The following SLC7A5 variants were observed in gnomAD, a reference collection of about 807,000 sequenced individuals.
The protein encoded by SLC7A5 is large neutral amino acids transporter small subunit 1.
Under a neutral mutation model 50.2 loss-of-function variants are expected in SLC7A5, and 23 were observed. The ratio of observed to expected loss-of-function variants is 0.46; its 90% CI spans 0.33 to 0.65. SLC7A5 has a LOEUF of 0.65. Among genes scored for constraint, SLC7A5 ranks in the 30% least tolerant of loss-of-function variants. SLC7A5 has a pLI of 0.02. For synonymous variants in SLC7A5, 393 were observed against 330.6 expected, an observed-to-expected ratio of 1.19 and a Z score of -2.05; for missense variants, 578 against 684.4, an observed-to-expected ratio of 0.84 and a Z score of 1.73.
intron 8 of SLC7A5, among the ~76,000 whole-genome samples, chr16:87,835,631 G>A (rs959553025): frequency 2.0e-4 from 31 of 152,228 alleles, no homozygotes; most frequent in African/African-American, 7.2e-4. Context: ...CCGCCACCAC[G>A]CCCAGCTAAT....
intron 2 of SLC7A5, among the ~76,000 whole-genome samples, chr16:87,849,897 G>A (rs1297960942): frequency 6.6e-6 from 1 of 152,206 alleles, no homozygotes; most frequent in African/African-American, 2.4e-5. Flanking sequence ...ACCTTCCAGA[G>A]CCACCTGGGA....
At chr16:87,840,262 AC>A (rs2055066052) in intron 4 of SLC7A5, among the ~76,000 whole-genome samples, 166 bp downstream of exon 4, 1 of 152,224 alleles carries the variant, frequency 6.6e-6, no homozygotes, top group African/African-American at 2.4e-5. Flanking sequence ...TCAAGGACAC[AC>A]GGCCAGAAGC....
intron 1 of SLC7A5, among the ~76,000 whole-genome samples, chr16:87,858,916 G>T (rs890414076): frequency 5.3e-5 from 8 of 152,238 alleles, no homozygotes; most frequent in African/African-American, 1.7e-4. Context: ...CTCTGCAGAT[G>T]CAGTGATGGA....
At chr16:87,851,204 C>T (rs909086016) in intron 2 of SLC7A5, among the ~76,000 whole-genome samples, 1 of 151,620 alleles carries the variant, frequency 6.6e-6, no homozygotes, top group Non-Finnish European at 1.5e-5. Flanking sequence ...ATGCTTACCT[C>T]ATCTTCTTTA....
In SLC7A5 at chr16:87,860,157, A is replaced by AC. The variant is rs1342520949; in HGVS notation, c.539-8309dup. On this transcript the variant is annotated intron_variant, in intron 1 of 9. Coordinates refer to ENST00000261622, the MANE Select transcript of SLC7A5 (RefSeq NM_003486.7). The surrounding 1 kb of genome is among the most constrained non-coding windows in gnomAD (Gnocchi z 4.8). ...AAACCAGCCTGACCAACATGGTGAA[A>AC]CCCCCGTCTCTACTAAAAACACAAA... is the stretch of plus-strand genomic sequence containing the variant. Among the ~76,000 whole-genome samples, 1 of 150,626 alleles carries AC rather than the reference A, an allele frequency of 6.6e-6. No individual in the cohort carries two copies.
At chr16:87,848,481 A>G (rs1162756965) in intron 2 of SLC7A5, among the ~76,000 whole-genome samples, 1 of 152,212 alleles carries the variant, frequency 6.6e-6, no homozygotes, top group East Asian at 1.9e-4. Context: ...AACCCTCATG[A>G]GTACTGTCTC....
intron 2 of SLC7A5, among the ~76,000 whole-genome samples, chr16:87,849,068 G>A (rs1397852871): frequency 1.3e-5 from 2 of 152,226 alleles, no homozygotes; most frequent in Non-Finnish European, 2.9e-5. Flanking sequence ...CGTGGGCCAG[G>A]CCTGCTCTGC....
In SLC7A5 at chr16:87,861,676, G is replaced by A. The variant is rs901135954; in HGVS notation, c.538+7209C>T. Among the ~76,000 whole-genome samples the A allele has an allele frequency of 1.2e-4, 18 of 152,152 alleles. No homozygotes were observed. Among genetic ancestry groups the A allele is most frequent in the Non-Finnish European group, 1.9e-4 (13 of 68,014 alleles). On this transcript the variant is annotated intron_variant, in intron 1 of 9. Transcript: ENST00000261622. This position sits in a 1 kb window ranked among gnomAD's most constrained non-coding sequence, Gnocchi z 4.2. ...CTGGCCTGGGCCCCCGGGGGTCTGC[G>A]CAACCCACCCTTCTGTGTGAAGGCG...
At chr16:87,849,016 T>A (rs1162063392) in intron 2 of SLC7A5, among the ~76,000 whole-genome samples, 1 of 152,200 alleles carries the variant, frequency 6.6e-6, no homozygotes, top group African/African-American at 2.4e-5. Flanking sequence ...TCAGCCCCAA[T>A]GGAGCAGGGC....
intron 7 of SLC7A5, chr16:87,836,887 A>G (rs567020752): frequency 3.9e-6 from 2 of 517,898 alleles, no homozygotes; most frequent in African/African-American, 3.9e-5. Context: ...AGAGGAGGGA[A>G]GGAGGGAGGA....
At chr16:87,868,713 G>C (rs1175019085) in intron 1 of SLC7A5, among the ~76,000 whole-genome samples, 172 bp downstream of exon 1, 1 of 152,240 alleles carries the variant, frequency 6.6e-6, no homozygotes, top group Non-Finnish European at 1.5e-5. Flanking sequence ...GTAAAAGAAT[G>C]AATGAAAGAA....
intron 2 of SLC7A5, among the ~76,000 whole-genome samples, chr16:87,850,812 A>G (rs1488198186): frequency 3.3e-5 from 5 of 152,138 alleles, no homozygotes; most frequent in Non-Finnish European, 7.4e-5. Context: ...CCCCAGCCCG[A>G]CCTCACCGCG....
chr16:87,854,438 A>C (rs7195978), intron 1 of SLC7A5, among the ~76,000 whole-genome samples: 1 of 152,318 alleles, frequency 6.6e-6, no homozygotes, highest in South Asian at 2.1e-4. Flanking sequence ...ATCTGGGTTC[A>C]GTACCTTTCG....
Position 87,852,744 on chromosome 16 carries a change from T to C in SLC7A5, c.539-895A>G, listed in dbSNP as rs2055253652. On this transcript the variant is annotated intron_variant, in intron 1 of 9. Transcript: ENST00000261622. This position sits in a 1 kb window ranked among gnomAD's most constrained non-coding sequence, Gnocchi z 4.5. ...GAGCCACTGTGTGTGTGTGCGTGTGTGTGTGTGTTTTGGGGGGTTCTGTTG... is the reference window on the plus strand; with the variant it reads ...GAGCCACTGTGTGTGTGTGCGTGTGCGTGTGTGTTTTGGGGGGTTCTGTTG... Among the ~76,000 whole-genome samples the C allele has an allele frequency of 1.3e-5, 2 of 151,642 alleles. 1 individual carries two copies. Among genetic ancestry groups the C allele is most frequent in the South Asian group, 4.2e-4 (2 of 4,802 alleles).
intron 8 of SLC7A5, 31 bp from the exon 9 acceptor site, chr16:87,834,622 C>G (rs2054974523): frequency 6.4e-7 from 1 of 1,562,142 alleles, no homozygotes; most frequent in Middle Eastern, 1.8e-4. Flanking sequence ...TGGGTGAGCC[C>G]TCTCCTGTCC....
chr16:87,835,608 C>G (rs984468623), intron 8 of SLC7A5, among the ~76,000 whole-genome samples: 2 of 152,162 alleles, frequency 1.3e-5, no homozygotes, highest in Non-Finnish European at 2.9e-5. Flanking sequence ...CGAGTAGCTG[C>G]AACTATAGGC....
intron 8 of SLC7A5, among the ~76,000 whole-genome samples, chr16:87,835,075 C>G (rs1245133596): frequency 6.6e-6 from 1 of 152,246 alleles, no homozygotes; most frequent in Non-Finnish European, 1.5e-5. Context: ...CTCCACCCGG[C>G]ACAGAAGCCA....
At chr16:87,857,484 T>C (rs932453478) in intron 1 of SLC7A5, among the ~76,000 whole-genome samples, 5 of 152,238 alleles carry the variant, frequency 3.3e-5, no homozygotes, top group Non-Finnish European at 7.3e-5. Context: ...GCGTTCACCA[T>C]GTTGGCCGGG....
rs1311141038 is a variant in SLC7A5 at position 87,860,383 on chromosome 16, CACACACACACACACACAT to C, written c.538+8484_538+8501del. ...ACACACACACACACACACACACACA[CACACACACACACACACAT>C]ATATATATAAAGAAAAAGGAAATCT... On this transcript the variant is annotated intron_variant, in intron 1 of 9. Coordinates refer to ENST00000261622, the MANE Select transcript of SLC7A5 (RefSeq NM_003486.7). This position sits in a 1 kb window ranked among gnomAD's most constrained non-coding sequence, Gnocchi z 4.8. 2.5e-4 allele frequency among the ~76,000 whole-genome samples: 34 copies of C among 134,756 alleles called. 2 individuals carry two copies. The highest frequency in any genetic ancestry group is 7.0e-4 in the African/African-American group (25 of 35,634). 88.4% of individuals were successfully genotyped at this position (134,756 alleles called of 152,430 possible).
Sources: allele counts gnomAD v4.1 joint callset (sites outside exome capture counted in the v4.1 genomes callset), GRCh38; gene constraint gnomAD v4.1.1; non-coding constraint Gnocchi (gnomAD v3.1); transcripts MANE v1.5; gene names NCBI Gene and HGNC (gene_info 2026-07-23, HGNC 2026-07-21).